Variants in DCDC2 observed in about 807,000 individuals in gnomAD.
DCDC2 encodes doublecortin domain-containing protein 2.
Under a neutral mutation model 50.2 loss-of-function variants are expected in DCDC2, and 40 were observed. The ratio of observed to expected loss-of-function variants is 0.80; its 90% CI spans 0.62 to 1.04. DCDC2 has a LOEUF of 1.04. Among genes scored for constraint, DCDC2 ranks in the 50% least tolerant of loss-of-function variants. The pLI is 0.00. For missense variants in DCDC2, 570 were observed against 581.9 expected, an observed-to-expected ratio of 0.98 and a Z score of 0.21; for synonymous variants, 234 against 210.6, an observed-to-expected ratio of 1.11 and a Z score of -0.96.
upstream of DCDC2, among the ~76,000 whole-genome samples, chr6:24,359,470 A>ATT (rs1479688036): frequency 7.9e-5 from 1 of 12,654 alleles, no homozygotes; most frequent in Non-Finnish European, 1.5e-4. Flanking sequence ...TATACTATAT[A>ATT]ATATATATTT....
intron 7 of DCDC2, among the ~76,000 whole-genome samples, chr6:24,258,660 GTCAC>G (rs2113804586): frequency 6.6e-6 from 1 of 152,272 alleles, no homozygotes; most frequent in South Asian, 2.1e-4. Flanking sequence ...TGAATCCTGA[GTCAC>G]TCACTGGGTC....
At chr6:24,249,341 T>C (rs1762750880) in intron 7 of DCDC2, among the ~76,000 whole-genome samples, 1 of 152,216 alleles carries the variant, frequency 6.6e-6, no homozygotes, top group Non-Finnish European at 1.5e-5. Context: ...GGGAATCTGA[T>C]AGTTTGAGTC....
At chr6:24,364,819 G>T in the DCDC2 span, among the ~76,000 whole-genome samples, 1 of 151,806 alleles carries the variant, frequency 6.6e-6, no homozygotes, top group African/African-American at 2.4e-5. Context: ...GCACAGCCAC[G>T]TGCAGAGGTG....
chr6:24,289,487 C>A (rs1262554756), intron 5 of DCDC2, among the ~76,000 whole-genome samples: 1 of 152,120 alleles, frequency 6.6e-6, no homozygotes, highest in Non-Finnish European at 1.5e-5. Context: ...AATAGAAGGA[C>A]ACATATATAA....
intron 2 of DCDC2, among the ~76,000 whole-genome samples, chr6:24,347,287 T>C (rs987925232): frequency 5.9e-5 from 9 of 152,078 alleles, no homozygotes; most frequent in South Asian, 2.1e-4. Context: ...AATCAAGAGA[T>C]ACCACACCAG....
chr6:24,326,134 A>AGAAGGAAAGAGAG (rs200283757), intron 2 of DCDC2, among the ~76,000 whole-genome samples: 1 of 145,096 alleles, frequency 6.9e-6, no homozygotes, highest in African/African-American at 2.5e-5. Context: ...AAAAATAAAA[A>AGAAGGAAAGAGAG]GAAGGAAAGA....
intron 1 of DCDC2, among the ~76,000 whole-genome samples, chr6:24,355,121 C>T (rs1485469980): frequency 6.6e-6 from 1 of 152,140 alleles, no homozygotes; most frequent in Non-Finnish European, 1.5e-5. Flanking sequence ...ACTTCTTTAA[C>T]ACAAATAAAA....
chr6:24,324,920 AAAAG>A (rs1380575576), intron 2 of DCDC2, among the ~76,000 whole-genome samples: 2 of 151,890 alleles, frequency 1.3e-5, no homozygotes, highest in Admixed American at 1.3e-4. Flanking sequence ...AGAAAGAAAG[AAAAG>A]AGAGAGAGAG....
At position 24,275,865 on chromosome 6, in the gene DCDC2, A is replaced by G. The variant is rs894859909; in HGVS notation, c.922+2184T>C. ...ACAAAAGCAAAAATGCCAATAATTC[A>G]ATTTTTTTTTTTTTTTTTTTTTTAG... On this transcript the variant is annotated intron_variant, in intron 7 of 9. Coordinates refer to ENST00000378454, the MANE Select transcript of DCDC2 (RefSeq NM_016356.5). Among the ~76,000 whole-genome samples the G allele has an allele frequency of 1.9e-4, 9 of 48,610 alleles. No homozygotes were observed. In the South Asian group the frequency reaches 7.3e-3, roughly 40 times the overall value. The allele number at this position is 48,610 out of a possible 152,430, so 31.9% of individuals were successfully genotyped here. A position where few individuals can be genotyped will look rare whatever the true frequency, so the allele number is the denominator to read the frequency against.
chr6:24,220,925 A>AGCGAGCGAGAGAGTGAGC (rs1345263843), intron 7 of DCDC2, among the ~76,000 whole-genome samples: 10 of 151,988 alleles, frequency 6.6e-5, no homozygotes, highest in South Asian at 2.1e-4. Context: ...CGAGCGAGCG[A>AGCGAGCGAGAGAGTGAGC]GAGCACATGC....
chr6:24,266,517 T>C (rs1342957647), intron 7 of DCDC2, among the ~76,000 whole-genome samples: 2 of 152,120 alleles, frequency 1.3e-5, no homozygotes, highest in African/African-American at 2.4e-5. Flanking sequence ...AACACCTGAA[T>C]AGACATCTCT....
intron 8 of DCDC2, among the ~76,000 whole-genome samples, chr6:24,191,728 G>GT (rs1378256839): frequency 1.3e-5 from 2 of 152,308 alleles, no homozygotes; most frequent in South Asian, 2.1e-4. Context: ...ATAAATGGGA[G>GT]TTTTTTCTTA....
intron 7 of DCDC2, among the ~76,000 whole-genome samples, chr6:24,220,915 CG>C (rs1762103534): frequency 7.6e-6 from 1 of 131,660 alleles, no homozygotes; most frequent in Non-Finnish European, 1.7e-5. Flanking sequence ...AGAGAGTGAG[CG>C]AGCGAGCGAG....
chr6:24,316,102 A>G (rs1440008492), intron 2 of DCDC2, among the ~76,000 whole-genome samples: 2 of 152,208 alleles, frequency 1.3e-5, no homozygotes, highest in Non-Finnish European at 2.9e-5. Flanking sequence ...CTGTGGATCC[A>G]GAGTTCAGTC....
the DCDC2 span, among the ~76,000 whole-genome samples, chr6:24,378,978 G>C: frequency 5.9e-5 from 6 of 101,724 alleles, no homozygotes; most frequent in Non-Finnish European, 1.2e-4. Flanking sequence ...AAAAAAAAAA[G>C]GCCAATCTAG....
intron 7 of DCDC2, among the ~76,000 whole-genome samples, chr6:24,227,571 T>C (rs573157403): frequency 2.2e-4 from 33 of 152,320 alleles, no homozygotes; most frequent in Middle Eastern, 3.4e-3. Context: ...AGACAGGCCA[T>C]AGCCATGCCC....
At chr6:24,299,519 A>T (rs547105837) in intron 4 of DCDC2, among the ~76,000 whole-genome samples, 3 of 152,352 alleles carry the variant, frequency 2.0e-5, no homozygotes, top group South Asian at 4.1e-4. Flanking sequence ...TGGTCTAAAA[A>T]ATTAAGTTGG....
At chr6:24,294,312 G>A (rs923432274) in intron 4 of DCDC2, among the ~76,000 whole-genome samples, 2 of 152,106 alleles carry the variant, frequency 1.3e-5, no homozygotes, top group African/African-American at 4.8e-5. Flanking sequence ...CAGAGATCAT[G>A]CCACTGCACT....
Position 24,174,544 on chromosome 6 carries a change from A to C in DCDC2, c.*186T>G, listed in dbSNP as rs1020699229. 2 of 441,286 alleles carry C rather than the reference A, an allele frequency of 4.5e-6. No individual in the cohort carries two copies. Among genetic ancestry groups the C allele is most frequent in the East Asian group, 6.6e-5 (2 of 30,404 alleles). The allele number at this position is 441,286 out of a possible 1,614,324, so 27.3% of individuals were successfully genotyped here. On this transcript the variant is annotated 3_prime_UTR_variant, in exon 10 of 10. Coordinates refer to ENST00000378454, the MANE Select transcript of DCDC2 (RefSeq NM_016356.5). ...TTTTAAAACACATGCAATAAAAGTA[A>C]GTAATTATCCTTTAGTAGCCATTTA...
Sources: gnomAD v4.1 joint callset for allele counts (sites outside exome capture counted in the v4.1 genomes callset) on GRCh38, gnomAD v4.1.1 for gene constraint, MANE v1.5 for transcripts, NCBI Gene and HGNC (gene_info 2026-07-23, HGNC 2026-07-21) for gene names.